RILPL1: variants seen among roughly 807,000 people sequenced by gnomAD.
The protein encoded by RILPL1 is RILP-like protein 1.
RILPL1 carries 33 observed loss-of-function variants against 50.3 expected under a neutral mutation model. That is an observed-to-expected ratio of 0.66 (90% CI 0.50 to 0.88). RILPL1 has a LOEUF of 0.88. RILPL1 is among the 40% of genes least tolerant of loss of function. The pLI is 0.00. For synonymous variants in RILPL1, 205 were observed against 228.6 expected, an observed-to-expected ratio of 0.90 and a Z score of 0.93; for missense variants, 418 against 542.5, an observed-to-expected ratio of 0.77 and a Z score of 2.28.
At chr12:123,472,729 G>A (rs1881278831) in intron 6 of RILPL1, 47 bp from the exon 7 acceptor site, 1 of 1,570,154 alleles carries the variant, frequency 6.4e-7, no homozygotes, top group Non-Finnish European at 8.6e-7. Flanking sequence ...ACCCTTTGCT[G>A]TGCAAGTCAC....
chr12:123,525,824 C>T (rs1885231738), intron 1 of RILPL1, among the ~76,000 whole-genome samples: 1 of 151,748 alleles, frequency 6.6e-6, no homozygotes. Context: ...GGAGTACAGG[C>T]GTGAGCCACC....
At chr12:123,509,793 C>T (rs779398037) in intron 2 of RILPL1, among the ~76,000 whole-genome samples, 1 of 152,214 alleles carries the variant, frequency 6.6e-6, no homozygotes. Context: ...CAGTAAACAC[C>T]GCTGCCCTGT....
At chr12:123,507,497 C>T (rs955507086) in intron 2 of RILPL1, among the ~76,000 whole-genome samples, 2 of 149,756 alleles carry the variant, frequency 1.3e-5, no homozygotes, top group East Asian at 2.0e-4. Context: ...CCCAGGAGTT[C>T]GAGGCTGCAA....
chr12:123,531,854 T>C (rs1438304581), intron 1 of RILPL1, among the ~76,000 whole-genome samples: 1 of 152,190 alleles, frequency 6.6e-6, no homozygotes, highest in African/African-American at 2.4e-5. Flanking sequence ...TCCAAAGTCC[T>C]AGCTTCTAGG....
chr12:123,475,939 T>G, intron 6 of RILPL1: 1 of 515,112 alleles, frequency 1.9e-6, no homozygotes. Flanking sequence ...AGTCTCACTG[T>G]CTCGTCCAGG....
At chr12:123,479,780 G>A (rs533256768) in intron 6 of RILPL1, among the ~76,000 whole-genome samples, 25 of 152,258 alleles carry the variant, frequency 1.6e-4, no homozygotes, top group Non-Finnish European at 2.8e-4. Context: ...GTCCCTGCCC[G>A]GCTCAGAGCC....
At chr12:123,475,976 T>G in intron 6 of RILPL1, 1 of 454,758 alleles carries the variant, frequency 2.2e-6, no homozygotes. Context: ...CAATCTCAGC[T>G]TACTGCAACC....
chr12:123,514,913 A>G (rs552407600), intron 2 of RILPL1, among the ~76,000 whole-genome samples: 1 of 151,672 alleles, frequency 6.6e-6, no homozygotes, highest in East Asian at 1.9e-4. Context: ...TAGACAATCC[A>G]AACAATAAAT....
chr12:123,472,909 G>A (rs1476661080), intron 6 of RILPL1: 2 of 520,600 alleles, frequency 3.8e-6, no homozygotes, highest in Non-Finnish European at 3.5e-6. Flanking sequence ...GTATGGGCAA[G>A]GCATGCATGC....
At chr12:123,521,678 T>TATACACATATATGTATATATATATAA (rs1566144559) in intron 2 of RILPL1, among the ~76,000 whole-genome samples, 1 of 33,892 alleles carries the variant, frequency 3.0e-5, no homozygotes, top group African/African-American at 1.1e-4. Flanking sequence ...TATAAATATA[T>TATACACATATATGTATATATATATAA]ATATATACAC....
chr12:123,488,730 A>G lies in RILPL1; in HGVS notation c.802-2925T>C, dbSNP rs369750959. On this transcript the variant is annotated intron_variant, in intron 4 of 6. Transcript: ENST00000376874. ...TGACCCTGCCCAGCCTTGGGGTCGG[A>G]GTCAGCACGGGGCAGCAGAGGAGGG... Among the ~76,000 whole-genome samples the G allele has an allele frequency of 9.1e-4, 139 of 152,318 alleles. 1 individual carries two copies. The highest frequency in any genetic ancestry group is 3.4e-3 in the Middle Eastern group (1 of 294).
chr12:123,509,291 T>G (rs1015755202), intron 2 of RILPL1, among the ~76,000 whole-genome samples: 16 of 152,214 alleles, frequency 1.1e-4, no homozygotes, highest in Admixed American at 6.6e-5. Context: ...CGGCTGGGCA[T>G]GGTGGCTCAC....
intron 4 of RILPL1, among the ~76,000 whole-genome samples, chr12:123,487,535 G>A (rs540464406): frequency 3.3e-5 from 5 of 152,086 alleles, no homozygotes; most frequent in South Asian, 4.1e-4. Flanking sequence ...TTGAACTCCC[G>A]TCCTCAGGTG....
chr12:123,485,342 T>C lies in RILPL1; in HGVS notation c.974+291A>G. On this transcript the variant is annotated intron_variant, in intron 5 of 6. Coordinates refer to ENST00000376874, the MANE Select transcript of RILPL1 (RefSeq NM_178314.5). This position sits in a 1 kb window ranked among gnomAD's most constrained non-coding sequence, Gnocchi z 4.0. ...CATTCATTTAAAAAAAGAGATGAGG[T>C]CTCGCTTTGTTGCCCAGGCTAGTCT... The C allele has an allele frequency of 2.0e-6, 1 of 504,266 alleles. No individual in the cohort carries two copies. The highest frequency in any genetic ancestry group is 3.8e-6 in the Non-Finnish European group (1 of 266,650). The allele number at this position is 504,266 out of a possible 1,614,324, so 31.2% of individuals were successfully genotyped here.
intron 6 of RILPL1, among the ~76,000 whole-genome samples, chr12:123,479,309 C>T (rs1202099362): frequency 6.6e-6 from 1 of 152,062 alleles, no homozygotes; most frequent in African/African-American, 2.4e-5. Flanking sequence ...CCCCTGAACA[C>T]TCCTTGGCGA....
intron 2 of RILPL1, among the ~76,000 whole-genome samples, chr12:123,521,476 T>C (rs1484986228): frequency 6.7e-6 from 1 of 149,928 alleles, no homozygotes; most frequent in African/African-American, 2.4e-5. Flanking sequence ...TTTTCCTTGG[T>C]TCCCACAGTC....
chr12:123,477,365 G>A (rs1483443951), intron 6 of RILPL1, among the ~76,000 whole-genome samples: 1 of 125,168 alleles, frequency 8.0e-6, no homozygotes, highest in African/African-American at 3.1e-5. Flanking sequence ...TTTTGAGACA[G>A]TCTCGCTTTG....
intron 2 of RILPL1, among the ~76,000 whole-genome samples, chr12:123,517,561 ACAGGTG>A: frequency 6.6e-6 from 1 of 151,082 alleles, no homozygotes; most frequent in African/African-American, 2.4e-5. Context: ...AGCTGGGATT[ACAGGTG>A]CACGCCACCA....
In RILPL1 at chr12:123,498,769, T is replaced by A; in HGVS notation, c.580-4A>T. On this transcript the variant is annotated splice_polypyrimidine_tract_variant and splice_region_variant and intron_variant, in intron 3 of 6. Coordinates refer to ENST00000376874, the MANE Select transcript of RILPL1 (RefSeq NM_178314.5). The surrounding 1 kb of genome is among the most constrained non-coding windows in gnomAD (Gnocchi z 4.3). ...GCCGTGTCTGCTGCTGCTGTAACTG[T>A]AGAAAAAGGGAGACCATTGTGCGGG... 1 of 1,611,630 alleles carries A rather than the reference T, an allele frequency of 6.2e-7. No individual in the cohort carries two copies. The highest frequency in any genetic ancestry group is 8.5e-7 in the Non-Finnish European group (1 of 1,179,816).
Sources: gnomAD v4.1 joint callset for allele counts (sites outside exome capture counted in the v4.1 genomes callset) on GRCh38, gnomAD v4.1.1 for gene constraint, Gnocchi (gnomAD v3.1) non-coding constraint, MANE v1.5 for transcripts, NCBI Gene and HGNC (gene_info 2026-07-23, HGNC 2026-07-21) for gene names.